SESN1: variants seen among roughly 807,000 people sequenced by gnomAD.
The protein encoded by SESN1 is sestrin-1.
In SESN1, 30 loss-of-function variants were observed where a neutral mutation model predicts 59.3. The ratio of observed to expected loss-of-function variants is 0.51; its 90% CI spans 0.38 to 0.69. The LOEUF (loss-of-function observed/expected upper bound fraction) is 0.69, where lower values mean the gene tolerates loss of function less well. Among genes scored for constraint, SESN1 ranks in the 30% least tolerant of loss-of-function variants. The probability of loss-of-function intolerance (pLI) is 0.00; values close to 1 mark genes in which losing one functional copy is unlikely to be tolerated. For missense variants in SESN1, 566 were observed against 673.0 expected (o/e 0.84, Z 1.76); for synonymous variants, 197 against 219.9 (o/e 0.90, Z 0.92).
At chr6:108,990,362 A>C (rs918505199) in intron 8 of SESN1, among the ~76,000 whole-genome samples, 3 of 152,224 alleles carry the variant, frequency 2.0e-5, no homozygotes, top group African/African-American at 7.2e-5. Flanking sequence ...TCAGTTACAA[A>C]CTTTGTTCTA....
chr6:109,002,870 G>A (rs1303615503), intron 1 of SESN1, among the ~76,000 whole-genome samples: 1 of 152,124 alleles, frequency 6.6e-6, no homozygotes, highest in Non-Finnish European at 1.5e-5. Context: ...TACAGGGCAT[G>A]TTTTCTCTGC....
intron 1 of SESN1, among the ~76,000 whole-genome samples, chr6:109,039,115 G>A (rs1438049788): frequency 6.7e-6 from 1 of 149,198 alleles, no homozygotes; most frequent in Non-Finnish European, 1.5e-5. Context: ...GAAGGAGAAG[G>A]AAGGAGGAGA....
intron 1 of SESN1, among the ~76,000 whole-genome samples, chr6:109,006,491 C>G (rs562267013): frequency 1.4e-5 from 2 of 148,030 alleles, no homozygotes; most frequent in African/African-American, 5.0e-5. Context: ...ATGTTCCCCA[C>G]CCTGTGTCCA....
intron 1 of SESN1, chr6:109,009,493 G>GCGGCGAGCGCTGGGCAGC (rs1171366034): frequency 2.3e-4 from 284 of 1,228,090 alleles, no homozygotes; most frequent in Non-Finnish European, 2.8e-4. Flanking sequence ...ACGCGCGGAG[G>GCGGCGAGCGCTGGGCAGC]CGGCGAGCGC....
intron 1 of SESN1, among the ~76,000 whole-genome samples, chr6:109,010,960 CACTTG>C (rs1183543663): frequency 6.6e-6 from 1 of 152,180 alleles, no homozygotes; most frequent in Non-Finnish European, 1.5e-5. Flanking sequence ...CACATAAATG[CACTTG>C]ATGTATGGGA....
intron 5 of SESN1, among the ~76,000 whole-genome samples, chr6:108,997,845 G>A (rs1352143411): frequency 6.6e-6 from 1 of 152,106 alleles, no homozygotes; most frequent in Admixed American, 6.5e-5. Flanking sequence ...TGCAGAAGGA[G>A]ATTTTGATTC....
chr6:109,079,334 A>T (rs1781082494), intron 1 of SESN1, among the ~76,000 whole-genome samples: 1 of 152,194 alleles, frequency 6.6e-6, no homozygotes, highest in Non-Finnish European at 1.5e-5. Flanking sequence ...TTAAGAAAAA[A>T]GCAGGTGTCA....
At position 109,092,092 on chromosome 6, in the gene SESN1, C is replaced by A. The variant is rs1330268939; in HGVS notation, c.279+1703G>T. Among the ~76,000 whole-genome samples the A allele has an allele frequency of 2.0e-5, 3 of 152,176 alleles. No individual in the cohort carries two copies. In the East Asian group the frequency reaches 5.8e-4, roughly 29 times the overall value. On this transcript the variant is annotated intron_variant, in intron 1 of 9. Transcript: ENST00000436639. ...AAAAGAGTATAAGTCTATAGGGAACCTTCCCAGGAAATTCCTGAGTCCTTT... is the reference window on the plus strand; with the variant it reads ...AAAAGAGTATAAGTCTATAGGGAACATTCCCAGGAAATTCCTGAGTCCTTT...
intron 1 of SESN1, among the ~76,000 whole-genome samples, chr6:109,017,277 C>T (rs1316785186): frequency 1.3e-5 from 2 of 152,098 alleles, no homozygotes; most frequent in Non-Finnish European, 2.9e-5. Context: ...TAAATATTTA[C>T]TAAATGTCAA....
chr6:109,008,803 G>A (rs35079319), intron 1 of SESN1: 35,782 of 985,278 alleles, frequency 0.036, 733 homozygotes, highest in Non-Finnish European at 0.04. Context: ...AAGAGTAAAC[G>A]CTGTGCATAA....
rs75498870 is a variant in SESN1 at position 109,057,270 on chromosome 6, A to T, written c.279+36525T>A. ...TTTTAATCTGATATGTTTTAGGGTA[A>T]TTTTGTTACACAACAATAGATGCCA... On this transcript the variant is annotated intron_variant, in intron 1 of 9. Transcript: ENST00000436639. Among the ~76,000 whole-genome samples the T allele has an allele frequency of 5.9e-3, 905 of 152,342 alleles. 5 individuals carry two copies. Among genetic ancestry groups the T allele is most frequent in the Non-Finnish European group, 0.011 (720 of 68,028 alleles).
At chr6:109,042,519 G>A (rs1438839849) in intron 1 of SESN1, among the ~76,000 whole-genome samples, 2 of 147,156 alleles carry the variant, frequency 1.4e-5, no homozygotes, top group Admixed American at 6.7e-5. Flanking sequence ...GAATGAAACA[G>A]AGGATTATTG....
intron 1 of SESN1, among the ~76,000 whole-genome samples, chr6:109,015,586 T>C (rs571925929): frequency 2.1e-4 from 32 of 152,330 alleles, no homozygotes; most frequent in Middle Eastern, 3.4e-3. Context: ...TTACAATGTT[T>C]AGAGGCTACT....
intron 1 of SESN1, among the ~76,000 whole-genome samples, chr6:109,052,735 G>C (rs1286625088): frequency 6.6e-6 from 1 of 152,076 alleles, no homozygotes; most frequent in Non-Finnish European, 1.5e-5. Context: ...AGGCTTAAAG[G>C]CAAAACTATA....
chr6:109,000,647 G>C lies in SESN1; in HGVS notation c.573C>G (p.Tyr191Ter), dbSNP rs753622961. The C allele has an allele frequency of 6.2e-7, 1 of 1,605,650 alleles. No individual in the cohort carries two copies. Among genetic ancestry groups the C allele is most frequent in the Non-Finnish European group, 8.5e-7 (1 of 1,175,672 alleles). Residue 191 changes from tyrosine to a stop codon, truncating the protein, a stop_gained, in exon 4 of 10, where the codon TAC (tyrosine) becomes TAG (stop). Coordinates refer to ENST00000436639, the MANE Select transcript of SESN1 (RefSeq NM_014454.3). LOFTEE classifies it high-confidence loss of function. ...IMAAARHQCSYLVNLHVNDFL... is the reference protein window; with the variant it reads ...IMAAARHQCS ...AATCATTTACATGCAGGTTCACTAA[G>C]TAGGAGCACTGATGTCTTGCCGCAG...
intron 1 of SESN1, among the ~76,000 whole-genome samples, chr6:109,055,668 AAAAAAAAAAAAAAAG>A (rs969648684): frequency 4.1e-5 from 6 of 145,798 alleles, no homozygotes; most frequent in African/African-American, 1.7e-4. Flanking sequence ...CCTCAAAAAA[AAAAAAAAAAAAAAAG>A]AAAGAAAGAA....
At chr6:109,055,223 A>G (rs1367669151) in intron 1 of SESN1, among the ~76,000 whole-genome samples, 1 of 152,070 alleles carries the variant, frequency 6.6e-6, no homozygotes, top group African/African-American at 2.4e-5. Context: ...TCTCCGTTCA[A>G]TTTATTTTTT....
rs1779543940 is a variant in SESN1 at position 108,998,443 on chromosome 6, A to G, written c.972+70T>C. 3.2e-6 allele frequency: 5 copies of G among 1,575,324 alleles called. No individual in the cohort carries two copies. In the South Asian group the frequency reaches 4.7e-5, roughly 15 times the overall value. ...CAGGGTGGGTTTTTCTAAGAAGCCA[A>G]CTGAAGAAATAATATAACAGCAATT... On this transcript the variant is annotated intron_variant, in intron 5 of 9. Coordinates refer to ENST00000436639, the MANE Select transcript of SESN1 (RefSeq NM_014454.3).
intron 1 of SESN1, among the ~76,000 whole-genome samples, chr6:109,068,590 A>C: frequency 6.6e-6 from 1 of 152,296 alleles, no homozygotes; most frequent in East Asian, 1.9e-4. Flanking sequence ...GACAGACATA[A>C]GAGATATAAT....
Sources: allele counts gnomAD v4.1 joint callset (sites outside exome capture counted in the v4.1 genomes callset), GRCh38; gene constraint gnomAD v4.1.1; transcripts MANE v1.5; gene names NCBI Gene and HGNC (gene_info 2026-07-23, HGNC 2026-07-21).